The following TRAF3IP2 variants were observed in gnomAD, a reference collection of about 807,000 sequenced individuals.
TRAF3IP2 encodes the protein TRAF3 interacting protein 2.
A neutral mutation model predicts 57.9 loss-of-function variants in TRAF3IP2; 35 were observed. The observed-to-expected ratio is 0.60, with a 90% confidence interval of 0.46 to 0.80. The LOEUF is 0.80. TRAF3IP2 is among the 30% of genes least tolerant of loss of function. The probability of loss-of-function intolerance (pLI) is 0.00; values close to 1 mark genes in which losing one functional copy is unlikely to be tolerated. For synonymous variants in TRAF3IP2, 251 were observed against 268.9 expected (o/e 0.93, Z 0.65); for missense variants, 556 against 706.4 (o/e 0.79, Z 2.41).
At position 111,559,156 on chromosome 6, in the gene TRAF3IP2, A is replaced by G; in HGVS notation, c.*249T>C. The G allele has an allele frequency of 2.2e-6, 1 of 447,242 alleles. No individual in the cohort carries two copies. Among genetic ancestry groups the G allele is most frequent in the Non-Finnish European group, 4.0e-6 (1 of 251,472 alleles). The allele number at this position is 447,242 out of a possible 1,614,324, so 27.7% of individuals were successfully genotyped here. ...AACTGTCAGGAGGAACATATGGGAC[A>G]CTGGCACCTGCAATGGTTTTTTTAA... On this transcript the variant is annotated 3_prime_UTR_variant, in exon 9 of 9. Coordinates refer to ENST00000368761, the MANE Select transcript of TRAF3IP2 (RefSeq NM_147686.4).
At chr6:111,562,531 T>C (rs571882793) in intron 8 of TRAF3IP2, among the ~76,000 whole-genome samples, 3 of 152,272 alleles carry the variant, frequency 2.0e-5, no homozygotes, top group South Asian at 4.2e-4. Flanking sequence ...TCTGGTAACA[T>C]TGTTATCTCT....
Position 111,592,079 on chromosome 6 carries a change from C to T in TRAF3IP2, c.8G>A (p.Arg3Gln), listed in dbSNP as rs148778036. MN[R>Q]SIPVEVDESE... is the part of the protein sequence containing the mutation. Reference sequence around the variant, plus strand: ...TTCATCAACCTCCACAGGAATGCTTCGGTTCATTCTAGTTTCTGGAACAAG... The same window carrying T: ...TTCATCAACCTCCACAGGAATGCTTTGGTTCATTCTAGTTTCTGGAACAAG... Residue 3 changes from arginine (R) to glutamine (Q), a missense_variant, in exon 2 of 9, where the codon CGA becomes CAA. Around this residue, in one of 2 missense-constraint regions of TRAF3IP2, gnomAD observed 428 missense variants for 498.7 expected, o/e 0.86. Coordinates refer to ENST00000368761, the MANE Select transcript of TRAF3IP2 (RefSeq NM_147686.4). 171 of 1,613,026 alleles carry T rather than the reference C, an allele frequency of 1.1e-4. No individual in the cohort carries two copies. In the African/African-American group the frequency reaches 2.1e-3, roughly 20 times the overall value.
chr6:111,593,725 C>T (rs780344403), intron 1 of TRAF3IP2, among the ~76,000 whole-genome samples: 3 of 152,300 alleles, frequency 2.0e-5, no homozygotes, highest in Non-Finnish European at 4.4e-5. Flanking sequence ...GTCCTCTGCT[C>T]ATTGGCTCTG....
At chr6:111,594,545 A>T (rs1295971627) in intron 1 of TRAF3IP2, 1 of 447,390 alleles carries the variant, frequency 2.2e-6, no homozygotes, top group Non-Finnish European at 4.5e-6. Flanking sequence ...AGGAGGCTTT[A>T]AAAAAAGTGA....
intron 1 of TRAF3IP2, chr6:111,594,479 G>GAA: frequency 2.3e-6 from 1 of 442,802 alleles, no homozygotes. Flanking sequence ...TCTACCTAAA[G>GAA]AAAAAAAAAG....
rs368618035 is a variant in TRAF3IP2, at chr6:111,591,599, A to G, written c.488T>C (p.Leu163Ser). 6.2e-7 allele frequency: 1 copy of G among 1,614,226 alleles called. No individual in the cohort carries two copies. Among genetic ancestry groups the G allele is most frequent in the Non-Finnish European group, 8.5e-7 (1 of 1,180,044 alleles). ...GHDSDKSDQS[L>S]PNASADSLGG... ...CAAGGAGTCTGCTGAGGCATTAGGT[A>G]AACTTTGGTCTGATTTGTCTGAGTC... The change falls in exon 2 of 9, where the codon TTA becomes TCA. Residue 163 changes from leucine to serine, a missense_variant. Transcript: ENST00000368761. This position sits in a 1 kb window ranked among gnomAD's most constrained non-coding sequence, Gnocchi z 4.9.
At chr6:111,596,437 C>T (rs907665233) in intron 1 of TRAF3IP2, among the ~76,000 whole-genome samples, 8 of 150,982 alleles carry the variant, frequency 5.3e-5, no homozygotes, top group Non-Finnish European at 7.4e-5. Context: ...GGACTACAGG[C>T]GCACGCCATC....
Position 111,567,709 on chromosome 6 carries a change from G to A in TRAF3IP2, c.1291-17C>T. 1 of 1,598,446 alleles carries A rather than the reference G, an allele frequency of 6.3e-7. No individual in the cohort carries two copies. The highest frequency in any genetic ancestry group is 8.5e-7 in the Non-Finnish European group (1 of 1,173,686). ...TATGTCAATCTGCAAAAAAAAAGAT[G>A]TGGGAGTTGGCCCTTAATGAGAGGT... is the stretch of plus-strand genomic sequence containing the variant. On this transcript the variant is annotated splice_polypyrimidine_tract_variant and intron_variant, in intron 5 of 8. Transcript: ENST00000368761.
intron 1 of TRAF3IP2, chr6:111,598,325 A>G (rs1002705974): frequency 6.1e-6 from 1 of 163,466 alleles, no homozygotes; most frequent in African/African-American, 2.4e-5. Context: ...TAGTAATTTC[A>G]CTTCTAAGAA....
In TRAF3IP2 at chr6:111,558,508, C is replaced by A. The variant is rs1263565166; in HGVS notation, c.*897G>T. On this transcript the variant is annotated 3_prime_UTR_variant, in exon 9 of 9. Coordinates refer to ENST00000368761, the MANE Select transcript of TRAF3IP2 (RefSeq NM_147686.4). ...AGTGCAGTGACATGATCTCGGCTCA[C>A]TGCAACCTCTGCCTCCCGGGTTCAA... The A allele has an allele frequency of 3.3e-5, 5 of 152,392 alleles. No individual in the cohort carries two copies. The East Asian group carries it at 9.6e-4, about 29-fold the overall frequency. The allele number at this position is 152,392 out of a possible 1,614,324, so 9.4% of individuals were successfully genotyped here. A position where few individuals can be genotyped will look rare whatever the true frequency, so the allele number is the denominator to read the frequency against.
At chr6:111,582,367 AAGT>A (rs1307883002) in intron 2 of TRAF3IP2, among the ~76,000 whole-genome samples, 1 of 151,982 alleles carries the variant, frequency 6.6e-6, no homozygotes, top group Admixed American at 6.5e-5. Context: ...TGGTCATGAC[AAGT>A]AGTAGGGGTT....
rs1369332489 is a variant in TRAF3IP2, at chr6:111,559,065, A to G, written c.*340T>C. ...TAGGAGAGTGTTTGTAGTCATTTCC[A>G]TTTGCTGCCACATCCCTTACATTAT... On this transcript the variant is annotated 3_prime_UTR_variant, in exon 9 of 9. Coordinates refer to ENST00000368761, the MANE Select transcript of TRAF3IP2 (RefSeq NM_147686.4). 4.6e-6 allele frequency: 1 copy of G among 217,890 alleles called. No individual in the cohort carries two copies. The highest frequency in any genetic ancestry group is 2.3e-5 in the African/African-American group (1 of 44,144). 13.5% of individuals were successfully genotyped at this position (217,890 alleles called of 1,614,324 possible).
rs539221367 is a variant in TRAF3IP2 at position 111,600,961 on chromosome 6, G to A, written c.-9+4815C>T. ...GTACTATTGTCAGACTCATTTTACA[G>A]ACAGGAAAAGCAAGGCATAGAGAAG... On this transcript the variant is annotated intron_variant, in intron 1 of 8. Transcript: ENST00000368761. The A allele has an allele frequency of 2.3e-5, 9 of 394,378 alleles. No homozygotes were observed. The South Asian group carries it at 5.5e-4, about 24-fold the overall frequency. 24.4% of individuals were successfully genotyped at this position (394,378 alleles called of 1,614,324 possible).
At chr6:111,600,283 A>G (rs1796826193) in intron 1 of TRAF3IP2, 1 of 152,242 alleles carries the variant, frequency 6.6e-6, no homozygotes, top group South Asian at 2.1e-4. Context: ...TATGAAGCTA[A>G]TGTATAGAGA....
intron 1 of TRAF3IP2, among the ~76,000 whole-genome samples, chr6:111,604,569 C>CAGTA (rs1359749896): frequency 2.0e-5 from 3 of 152,226 alleles, no homozygotes; most frequent in Non-Finnish European, 4.4e-5. Flanking sequence ...TGGCTAGAGC[C>CAGTA]AGTAATAAGG....
At chr6:111,595,659 C>A (rs1174914454) in intron 1 of TRAF3IP2, among the ~76,000 whole-genome samples, 3 of 152,070 alleles carry the variant, frequency 2.0e-5, no homozygotes, top group African/African-American at 7.2e-5. Context: ...GAAACCCCGC[C>A]TCTACTAAAA....
In TRAF3IP2 at chr6:111,557,228, C is replaced by T. The variant is rs2128366992; in HGVS notation, c.*2177G>A. On this transcript the variant is annotated 3_prime_UTR_variant, in exon 9 of 9. Coordinates refer to ENST00000368761, the MANE Select transcript of TRAF3IP2 (RefSeq NM_147686.4). ...AGAAGGGAAGCAGTAGCTTGCAGCC[C>T]CAAAAAGTCTTCATTGTCTTAGTAG... is the stretch of plus-strand genomic sequence containing the variant. 6.6e-6 allele frequency: 1 copy of T among 152,166 alleles called. No homozygotes were observed. Among genetic ancestry groups the T allele is most frequent in the Middle Eastern group, 3.4e-3 (1 of 294 alleles). 9.4% of individuals were successfully genotyped at this position (152,166 alleles called of 1,614,324 possible).
In TRAF3IP2 at chr6:111,591,200, G is replaced by T; in HGVS notation, c.829+58C>A. The T allele has an allele frequency of 3.0e-6, 4 of 1,332,086 alleles. No individual in the cohort carries two copies. The highest frequency in any genetic ancestry group is 4.0e-6 in the Non-Finnish European group (4 of 992,044). The allele number at this position is 1,332,086 out of a possible 1,614,324, so 82.5% of individuals were successfully genotyped here. The stretch of plus-strand genomic sequence containing the variant: ...TAGTGACACGAAGCATTGATGTGAG[G>T]CCCTTGTTTCTTCAGTCACCCAGCC... On this transcript the variant is annotated intron_variant, in intron 2 of 8. Coordinates refer to ENST00000368761, the MANE Select transcript of TRAF3IP2 (RefSeq NM_147686.4). The surrounding 1 kb of genome is among the most constrained non-coding windows in gnomAD (Gnocchi z 4.9).
chr6:111,604,038 A>C (rs1210784793), intron 1 of TRAF3IP2, among the ~76,000 whole-genome samples: 1 of 152,212 alleles, frequency 6.6e-6, no homozygotes, highest in Non-Finnish European at 1.5e-5. Context: ...AACTCATTGC[A>C]GGTGAAATAT....
Sources: gnomAD v4.1 joint callset for allele counts (sites outside exome capture counted in the v4.1 genomes callset) on GRCh38, gnomAD v4.1.1 for gene constraint, gnomAD v4.1.1 regional missense constraint, Gnocchi (gnomAD v3.1) non-coding constraint, MANE v1.5 for transcripts, NCBI Gene and HGNC (gene_info 2026-07-23, HGNC 2026-07-21) for gene names.